Variants in CNTNAP5 observed in about 807,000 individuals in gnomAD.
CNTNAP5 encodes contactin associated protein family member 5, also known as contactin-associated protein-like 5.
A neutral mutation model predicts 150.2 loss-of-function variants in CNTNAP5; 72 were observed. That is an observed-to-expected ratio of 0.48 (90% CI 0.40 to 0.58). The LOEUF (loss-of-function observed/expected upper bound fraction) is 0.58, where lower values mean the gene tolerates loss of function less well. CNTNAP5 is among the 20% of genes least tolerant of loss of function. The pLI, the probability that CNTNAP5 is intolerant of heterozygous loss-of-function variation, is 0.00. For missense variants in CNTNAP5, 1,636 were observed against 1,626.2 expected (o/e 1.01, Z -0.10); for synonymous variants, 672 against 619.8 (o/e 1.08, Z -1.25).
intron 1 of CNTNAP5, among the ~76,000 whole-genome samples, chr2:124,176,609 CT>C (rs2104672564): frequency 6.6e-6 from 1 of 152,204 alleles, no homozygotes; most frequent in East Asian, 1.9e-4. Flanking sequence ...CACTTTTGTG[CT>C]TAGGTTCAGT....
chr2:124,293,194 A>G (rs952643258), intron 3 of CNTNAP5, among the ~76,000 whole-genome samples: 2 of 152,106 alleles, frequency 1.3e-5, no homozygotes, highest in African/African-American at 4.8e-5. Flanking sequence ...TATGGTGTTT[A>G]ATATGATATT....
intron 1 of CNTNAP5, among the ~76,000 whole-genome samples, chr2:124,103,993 C>A (rs114169251): frequency 6.8e-6 from 1 of 146,908 alleles, no homozygotes; most frequent in Non-Finnish European, 1.5e-5. Flanking sequence ...ATATGTACTG[C>A]ATATGAATTA....
At chr2:124,531,910 G>T (rs1695119373) in intron 10 of CNTNAP5, among the ~76,000 whole-genome samples, 1 of 152,210 alleles carries the variant, frequency 6.6e-6, no homozygotes, top group African/African-American at 2.4e-5. Context: ...AAGTTGCCCT[G>T]AACAGACACT....
At chr2:124,415,133 C>T (rs947448766) in intron 3 of CNTNAP5, among the ~76,000 whole-genome samples, 1 of 152,122 alleles carries the variant, frequency 6.6e-6, no homozygotes, top group African/African-American at 2.4e-5. Flanking sequence ...GATGCTAGTG[C>T]TGGGAGCAGG....
At chr2:124,661,952 T>TC (rs1254218924) in intron 13 of CNTNAP5, among the ~76,000 whole-genome samples, 1 of 152,102 alleles carries the variant, frequency 6.6e-6, no homozygotes, top group Non-Finnish European at 1.5e-5. Context: ...GCTGCACCAG[T>TC]CAGTCCATCA....
Position 124,516,723 on chromosome 2 carries a change from T to C in CNTNAP5, c.1328-7580T>C, listed in dbSNP as rs138963543. ...CTGAACAGCCACTTGGTTACAAAGG[T>C]TCATTGACACCTTGCAACATTGATT... is the stretch of plus-strand genomic sequence containing the variant. On this transcript the variant is annotated intron_variant, in intron 8 of 23. Coordinates refer to ENST00000682447, the MANE Select transcript of CNTNAP5 (RefSeq NM_001367498.1). Among the ~76,000 whole-genome samples the C allele has an allele frequency of 1.5e-3, 227 of 152,262 alleles. 1 individual carries two copies. Among genetic ancestry groups the C allele is most frequent in the African/African-American group, 5.1e-3 (211 of 41,540 alleles).
intron 16 of CNTNAP5, among the ~76,000 whole-genome samples, chr2:124,767,833 C>T (rs1558767615): frequency 6.6e-6 from 1 of 152,162 alleles, no homozygotes; most frequent in East Asian, 1.9e-4. Flanking sequence ...ATGGTTTTCT[C>T]TCTCTGTTAT....
At chr2:124,364,627 T>A (rs1481793477) in intron 3 of CNTNAP5, among the ~76,000 whole-genome samples, 2 of 152,128 alleles carry the variant, frequency 1.3e-5, no homozygotes, top group Non-Finnish European at 2.9e-5. Context: ...AGTAAATAAA[T>A]AAATAGATGA....
rs796719962 is a variant in CNTNAP5, at chr2:124,765,231, A to G, written c.2533+1084A>G. 4.3e-4 allele frequency among the ~76,000 whole-genome samples: 65 copies of G among 152,228 alleles called. 1 individual carries two copies. Among genetic ancestry groups the G allele is most frequent in the African/African-American group, 1.5e-3 (63 of 41,568 alleles). On this transcript the variant is annotated intron_variant, in intron 16 of 23. Coordinates refer to ENST00000682447, the MANE Select transcript of CNTNAP5 (RefSeq NM_001367498.1). ...ACTTCTACATGTCTCTGCAAGCAAA[A>G]AAATTCTACTACAATAATTTCAACA...
At chr2:124,738,091 T>A (rs1680424552) in intron 13 of CNTNAP5, among the ~76,000 whole-genome samples, 1 of 152,172 alleles carries the variant, frequency 6.6e-6, no homozygotes, top group Non-Finnish European at 1.5e-5. Context: ...CCAACTCTGC[T>A]TTTCATTCAT....
intron 17 of CNTNAP5, among the ~76,000 whole-genome samples, chr2:124,779,556 A>G (rs2104618711): frequency 6.6e-6 from 1 of 152,270 alleles, no homozygotes; most frequent in East Asian, 1.9e-4. Flanking sequence ...CTTCTTTTAA[A>G]TCAAATTAAT....
intron 3 of CNTNAP5, among the ~76,000 whole-genome samples, chr2:124,263,387 C>T (rs1279488945): frequency 1.3e-5 from 2 of 152,176 alleles, no homozygotes; most frequent in South Asian, 2.1e-4. Context: ...ATTTGCATTT[C>T]TCTGATGGCC....
intron 1 of CNTNAP5, among the ~76,000 whole-genome samples, chr2:124,123,648 C>G (rs909675835): frequency 9.2e-5 from 14 of 152,196 alleles, no homozygotes; most frequent in African/African-American, 3.4e-4. Context: ...CTGGGAGACA[C>G]CTCCCAGTAG....
intron 13 of CNTNAP5, among the ~76,000 whole-genome samples, chr2:124,732,142 T>C (rs1412014996): frequency 6.6e-6 from 1 of 152,014 alleles, no homozygotes; most frequent in East Asian, 1.9e-4. Context: ...CTGCTGGAAA[T>C]CTGATTCTTT....
intron 10 of CNTNAP5, among the ~76,000 whole-genome samples, chr2:124,551,026 A>G (rs1168240951): frequency 2.0e-5 from 3 of 152,138 alleles, no homozygotes; most frequent in Non-Finnish European, 4.4e-5. Flanking sequence ...CTTCAGGGTC[A>G]TACATTTTTC....
intron 3 of CNTNAP5, among the ~76,000 whole-genome samples, chr2:124,294,127 G>C (rs1316862612): frequency 9.1e-6 from 1 of 110,422 alleles, no homozygotes; most frequent in Non-Finnish European, 1.9e-5. Context: ...TGGAAGCTCT[G>C]ATTGCATTAA....
chr2:124,523,441 G>A (rs1352324150), intron 8 of CNTNAP5, among the ~76,000 whole-genome samples: 1 of 152,094 alleles, frequency 6.6e-6, no homozygotes, highest in Admixed American at 6.6e-5. Context: ...ACACCACCAG[G>A]ACACAGTCTT....
At chr2:124,300,234 C>T (rs1688541450) in intron 3 of CNTNAP5, among the ~76,000 whole-genome samples, 1 of 152,196 alleles carries the variant, frequency 6.6e-6, no homozygotes, top group South Asian at 2.1e-4. Context: ...AGCATTTCCT[C>T]TTATCTTAGG....
At chr2:124,885,341 T>C (rs570247793) in intron 21 of CNTNAP5, among the ~76,000 whole-genome samples, 1 of 152,124 alleles carries the variant, frequency 6.6e-6, no homozygotes, top group South Asian at 2.1e-4. Context: ...TTTACAGCAG[T>C]ACTTGGATGA....
Sources: gnomAD v4.1 joint callset for allele counts (sites outside exome capture counted in the v4.1 genomes callset) on GRCh38, gnomAD v4.1.1 for gene constraint, MANE v1.5 for transcripts, NCBI Gene and HGNC (gene_info 2026-07-23, HGNC 2026-07-21) for gene names.